Variants in LRRFIP2 observed in about 807,000 individuals in gnomAD.
LRRFIP2 encodes the protein LRR binding FLII interacting protein 2, also known as leucine-rich repeat flightless-interacting protein 2.
A neutral mutation model predicts 125.9 loss-of-function variants in LRRFIP2; 109 were observed. The ratio of observed to expected loss-of-function variants is 0.87; its 90% confidence interval spans 0.74 to 1.01. The LOEUF (loss-of-function observed/expected upper bound fraction) is 1.01, where lower values mean the gene tolerates loss of function less well. LRRFIP2 is among the 50% of genes least tolerant of loss of function. The pLI is 0.00. For synonymous variants in LRRFIP2, 291 were observed against 293.1 expected (o/e 0.99, Z 0.07); for missense variants, 850 against 862.3 (o/e 0.99, Z 0.18).
chr3:37,114,666 T>A (rs1406807470), intron 7 of LRRFIP2, among the ~76,000 whole-genome samples: 1 of 152,016 alleles, frequency 6.6e-6, no homozygotes, highest in Admixed American at 6.6e-5. Context: ...ATGTTTATAG[T>A]ACTCGCTACT....
At chr3:37,165,839 AAGAAAG>A (rs2096473619) in intron 1 of LRRFIP2, among the ~76,000 whole-genome samples, 1 of 150,180 alleles carries the variant, frequency 6.7e-6, no homozygotes, top group Non-Finnish European at 1.5e-5. Flanking sequence ...GAAAGAAAGA[AAGAAAG>A]AAAGAAAGAA....
At chr3:37,066,370 G>C (rs755568514) in intron 21 of LRRFIP2, 45 bp from the exon 22 acceptor site, 2 of 1,466,910 alleles carry the variant, frequency 1.4e-6, no homozygotes, top group South Asian at 1.1e-5. Flanking sequence ...CACAGAAAAA[G>C]AGCAGGTGAA....
rs143293777 is a variant in LRRFIP2, at chr3:37,108,795, G to A, written c.610-111C>T. 10 of 736,856 alleles carry A rather than the reference G, an allele frequency of 1.4e-5. No individual in the cohort carries two copies. In the East Asian group the frequency reaches 2.4e-4, roughly 18 times the overall value. 45.6% of individuals were successfully genotyped at this position (736,856 alleles called of 1,614,324 possible). On this transcript the variant is annotated intron_variant, in intron 11 of 27. Transcript: ENST00000336686. Reference sequence around the variant, plus strand: ...AAAAAAGTTTTGGAGAATGATATAAGTGTATAGCCTCCCAGAATGAAAACC... The same window carrying A: ...AAAAAAGTTTTGGAGAATGATATAAATGTATAGCCTCCCAGAATGAAAACC...
intron 1 of LRRFIP2, among the ~76,000 whole-genome samples, chr3:37,153,866 T>A (rs2096102126): frequency 6.6e-6 from 1 of 152,144 alleles, no homozygotes; most frequent in Non-Finnish European, 1.5e-5. Context: ...CTTTTTCAGT[T>A]CACATGATGC....
chr3:37,062,474 A>G (rs1308192343), intron 24 of LRRFIP2, among the ~76,000 whole-genome samples: 1 of 152,220 alleles, frequency 6.6e-6, no homozygotes, highest in Non-Finnish European at 1.5e-5. Flanking sequence ...AGCTCCTAGA[A>G]TTGACAGGGG....
intron 21 of LRRFIP2, chr3:37,067,829 A>G (rs1430888352): frequency 6.6e-6 from 1 of 152,216 alleles, no homozygotes; most frequent in Non-Finnish European, 1.5e-5. Context: ...AAGTCACAGT[A>G]AGTGGCAAAA....
intron 1 of LRRFIP2, among the ~76,000 whole-genome samples, chr3:37,164,114 G>A (rs1477621142): frequency 6.6e-6 from 1 of 152,214 alleles, no homozygotes; most frequent in African/African-American, 2.4e-5. Flanking sequence ...ATCTGTTGGC[G>A]CATTTAGGGG....
chr3:37,068,260 A>G (rs1295575836), intron 21 of LRRFIP2: 1 of 152,240 alleles, frequency 6.6e-6, no homozygotes, highest in Non-Finnish European at 1.5e-5. Flanking sequence ...GTATCACCAC[A>G]TATAAGTGGG....
intron 22 of LRRFIP2, 25 bp from the exon 23 acceptor site, chr3:37,065,967 C>T: frequency 1.2e-6 from 2 of 1,613,944 alleles, no homozygotes; most frequent in Non-Finnish European, 1.7e-6. Flanking sequence ...AACCCACCAT[C>T]ACAAAAGGCC....
chr3:37,130,130 C>T (rs1240994118), intron 2 of LRRFIP2, among the ~76,000 whole-genome samples: 3 of 152,192 alleles, frequency 2.0e-5, no homozygotes, highest in Admixed American at 6.5e-5. Context: ...TCCCCATTAA[C>T]CCTTTCTCCC....
At chr3:37,121,724 C>A in intron 4 of LRRFIP2, 33 bp from the exon 5 acceptor site, 1 of 1,600,662 alleles carries the variant, frequency 6.2e-7, no homozygotes, top group South Asian at 1.1e-5. Context: ...GAGAGTTAAT[C>A]ACTGAATAGA....
rs2086004794 is a variant in LRRFIP2, at chr3:37,053,612, TA to T, written c.*238del. On this transcript the variant is annotated 3_prime_UTR_variant, in exon 28 of 28. Transcript: ENST00000336686. ...AAACATGATTCTACAATTACGGAGA[TA>T]AAAAATAAAAACAGCATGGACTGGT... 2.2e-6 allele frequency: 1 copy of T among 454,640 alleles called. No individual in the cohort carries two copies. Among genetic ancestry groups the T allele is most frequent in the South Asian group, 2.9e-5 (1 of 33,960 alleles). The allele number at this position is 454,640 out of a possible 1,614,324, so 28.2% of individuals were successfully genotyped here.
intron 2 of LRRFIP2, among the ~76,000 whole-genome samples, chr3:37,138,131 G>C (rs993294228): frequency 6.6e-6 from 1 of 152,224 alleles, no homozygotes; most frequent in African/African-American, 2.4e-5. Context: ...AGGAACAAGT[G>C]AGGTAAAAAT....
intron 1 of LRRFIP2, among the ~76,000 whole-genome samples, chr3:37,164,072 T>A (rs2150293325): frequency 6.6e-6 from 1 of 152,330 alleles, no homozygotes; most frequent in South Asian, 2.1e-4. Flanking sequence ...GATGGATGGA[T>A]AGATACATAG....
chr3:37,130,788 A>G (rs1449903436), intron 2 of LRRFIP2, among the ~76,000 whole-genome samples: 1 of 152,190 alleles, frequency 6.6e-6, no homozygotes, highest in African/African-American at 2.4e-5. Flanking sequence ...GAGCAAGAGT[A>G]ATTCTGACAA....
chr3:37,154,883 T>C (rs1220213718), intron 1 of LRRFIP2, among the ~76,000 whole-genome samples: 2 of 152,234 alleles, frequency 1.3e-5, no homozygotes, highest in Non-Finnish European at 2.9e-5. Context: ...GATAGATAGT[T>C]CTTTTATATC....
At position 37,121,697 on chromosome 3, in the gene LRRFIP2, A is replaced by C; in HGVS notation, c.229-6T>G. On this transcript the variant is annotated splice_region_variant and splice_polypyrimidine_tract_variant and intron_variant, in intron 4 of 27. Coordinates refer to ENST00000336686, the MANE Select transcript of LRRFIP2 (RefSeq NM_006309.4). ...CTGGCCCTTTCCGAATCTTCCTGGG[A>C]AAGGAGAAAGTACATGGAGAGTTAA... 6.2e-7 allele frequency: 1 copy of C among 1,613,782 alleles called. No homozygotes were observed. The highest frequency in any genetic ancestry group is 8.5e-7 in the Non-Finnish European group (1 of 1,179,762).
chr3:37,151,398 T>C (rs146489856), intron 1 of LRRFIP2, among the ~76,000 whole-genome samples: 4 of 151,378 alleles, frequency 2.6e-5, no homozygotes, highest in African/African-American at 7.3e-5. Flanking sequence ...TACTTCTTAA[T>C]GTAGCAGCTG....
chr3:37,098,526 T>A (rs1455580268), intron 15 of LRRFIP2, among the ~76,000 whole-genome samples: 1 of 151,936 alleles, frequency 6.6e-6, no homozygotes, highest in Non-Finnish European at 1.5e-5. Context: ...GTAACTGGGA[T>A]TACAGGCACC....
Sources: gnomAD v4.1 joint callset for allele counts (sites outside exome capture counted in the v4.1 genomes callset) on GRCh38, gnomAD v4.1.1 for gene constraint, MANE v1.5 for transcripts, NCBI Gene and HGNC (gene_info 2026-07-23, HGNC 2026-07-21) for gene names.